Variants in IGSF9 observed in about 807,000 individuals in gnomAD.
The protein encoded by IGSF9 is protein turtle homolog A.
Under a neutral mutation model 121.7 loss-of-function variants are expected in IGSF9, and 87 were observed. The observed-to-expected ratio is 0.71, with a 90% CI of 0.60 to 0.85. IGSF9 has a LOEUF of 0.85. Among genes scored for constraint, IGSF9 ranks in the 40% least tolerant of loss-of-function variants. The pLI is 0.00. For synonymous variants in IGSF9, 640 were observed against 648.4 expected (o/e 0.99, Z 0.20); for missense variants, 1,462 against 1,565.3 (o/e 0.93, Z 1.11).
rs770383865 is a variant in IGSF9, at chr1:159,934,271, C to T, written c.1023G>A (p.Val341=). 24 of 1,613,388 alleles carry T rather than the reference C, an allele frequency of 1.5e-5. No homozygotes were observed. Among genetic ancestry groups the T allele is most frequent in the Non-Finnish European group, 1.8e-5 (21 of 1,179,734 alleles). ...ETPLPIGMPG[V]IRCPVRANPP... ...GGTTGGCACGAACCGGGCAGCGGAT[C>T]ACCCCCGGCATGCCTATGGGCAGGG... Residue 341 remains valine, a synonymous_variant, in exon 9 of 21, where the codon GTG becomes GTA. Coordinates refer to ENST00000368094, the MANE Select transcript of IGSF9 (RefSeq NM_001135050.2).
Position 159,928,238 on chromosome 1 carries a change from A to G in IGSF9, c.3150T>C (p.Pro1050=). 1 of 1,613,216 alleles carries G rather than the reference A, an allele frequency of 6.2e-7. No homozygotes were observed. The highest frequency in any genetic ancestry group is 8.5e-7 in the Non-Finnish European group (1 of 1,179,902). Residue 1050 remains proline, a synonymous_variant, in exon 19 of 21, where the codon CCT becomes CCC. Coordinates refer to ENST00000368094, the MANE Select transcript of IGSF9 (RefSeq NM_001135050.2). ...CCCAGCTGCTGGTGTCTCCTGGAGC[A>G]GGGCTGAGGTAGCTGCCTCCTGCAG... ...APSAGGSYLS[P]APGDTSSWAS...
rs528214199 is a variant in IGSF9, at chr1:159,930,333, G to A, written c.1920C>T (p.Leu640=). The change falls in exon 15 of 21, where the codon CTC becomes CTT. Residue 640 remains leucine, a synonymous_variant. Transcript: ENST00000368094. Reference sequence around the variant, plus strand: ...CCAGCTCTGGGGGATCCCAATGCAGGAGTACCCCCCGGGGTGTCCTCACTG... The same window carrying A: ...CCAGCTCTGGGGGATCCCAATGCAGAAGTACCCCCCGGGGTGTCCTCACTG... The part of the protein sequence containing the change: ...LVAVRTPRGV[L]LHWDPPELVP... 1.9e-6 allele frequency: 3 copies of A among 1,612,642 alleles called. No individual in the cohort carries two copies. Among genetic ancestry groups the A allele is most frequent in the African/African-American group, 1.3e-5 (1 of 74,952 alleles).
At position 159,932,662 on chromosome 1, in the gene IGSF9, A is replaced by G. The variant is rs1377646228; in HGVS notation, c.1105-10T>C. On this transcript the variant is annotated splice_polypyrimidine_tract_variant and intron_variant, in intron 9 of 20. Coordinates refer to ENST00000368094, the MANE Select transcript of IGSF9 (RefSeq NM_001135050.2). This position sits in a 1 kb window ranked among gnomAD's most constrained non-coding sequence, Gnocchi z 4.1. ...GGGACCAGCCAGGGAACTGGAAGGA[A>G]GAGAAGATGACAGCTAGAGAGAGGA... 1.2e-6 allele frequency: 2 copies of G among 1,607,672 alleles called. No individual in the cohort carries two copies. The highest frequency in any genetic ancestry group is 1.1e-5 in the South Asian group (1 of 90,408).
intron 2 of IGSF9, 39 bp downstream of exon 2, chr1:159,943,358 G>C: frequency 6.6e-7 from 1 of 1,517,906 alleles, no homozygotes. Flanking sequence ...CCCACCCCAA[G>C]GCTAACAGGG....
In IGSF9 at chr1:159,932,285, T is replaced by C. The variant is rs780556491; in HGVS notation, c.1245+227A>G. 5.1e-6 allele frequency: 3 copies of C among 592,894 alleles called. No individual in the cohort carries two copies. Among genetic ancestry groups the C allele is most frequent in the Non-Finnish European group, 9.0e-6 (3 of 333,904 alleles). The allele number at this position is 592,894 out of a possible 1,614,324, so 36.7% of individuals were successfully genotyped here. The stretch of plus-strand genomic sequence containing the variant: ...AGTGAGAGTTGGGGCAAACAGGATA[T>C]CTTACTTCTGGATGTGTGTGACTGA... On this transcript the variant is annotated intron_variant, in intron 10 of 20. Transcript: ENST00000368094. The surrounding 1 kb of genome is among the most constrained non-coding windows in gnomAD (Gnocchi z 4.1).
intron 6 of IGSF9, among the ~76,000 whole-genome samples, chr1:159,935,498 C>T (rs1317372223): frequency 1.3e-5 from 2 of 152,220 alleles, no homozygotes; most frequent in African/African-American, 4.8e-5. Context: ...GTCTGGAATG[C>T]CCCTCCCAAG....
At chr1:159,936,309 C>T in intron 6 of IGSF9, 90 bp downstream of exon 6, 5 of 1,154,344 alleles carry the variant, frequency 4.3e-6, no homozygotes, top group Admixed American at 3.4e-5. Flanking sequence ...CACAAATCTC[C>T]CTCCTATCTT....
At chr1:159,938,042 C>T (rs988952876) in intron 3 of IGSF9, among the ~76,000 whole-genome samples, 1 of 152,120 alleles carries the variant, frequency 6.6e-6, no homozygotes, top group Admixed American at 6.5e-5. Flanking sequence ...TCTTGCCATT[C>T]GACAGCTGGG....
chr1:159,928,285 G>C lies in IGSF9; in HGVS notation c.3103C>G (p.Arg1035Gly). 6.2e-7 allele frequency: 1 copy of C among 1,612,214 alleles called. No individual in the cohort carries two copies. The change falls in exon 19 of 21, where the codon CGG becomes GGG. Residue 1035 changes from arginine to glycine, a missense_variant. By Grantham distance (125) the Arg-to-Gly change is moderately radical. This residue lies in a region of IGSF9 where 808 missense variants were observed against 815.2 expected (regional missense o/e 0.99). Coordinates refer to ENST00000368094, the MANE Select transcript of IGSF9 (RefSeq NM_001135050.2). ...SSGRGSASFL[R>G]PPSTAPSAGG... ...GCAGAGGGGGCTGTGGAGGGGGGCC[G>C]CAGGAACGAAGCGCTGCCTCGCCCA...
In IGSF9 at chr1:159,927,375, G is replaced by T. The variant is rs766379915; in HGVS notation, c.3510C>A (p.Val1170=). The change falls in exon 21 of 21, where the codon GTC becomes GTA. Residue 1170 remains valine (V), a synonymous_variant. Coordinates refer to ENST00000368094, the MANE Select transcript of IGSF9 (RefSeq NM_001135050.2). ...GCAGAGTGGCCTGTTCGGGGTGGGG[G>T]ACTGGCTGTCGATAGGCTGGTAGCC... is the stretch of plus-strand genomic sequence containing the variant. ...RARLPAYRQP[V]PHPEQATLL The T allele has an allele frequency of 2.5e-6, 4 of 1,613,720 alleles. No homozygotes were observed. Among genetic ancestry groups the T allele is most frequent in the African/African-American group, 2.7e-5 (2 of 74,902 alleles).
At chr1:159,938,646 G>A (rs765260364) in intron 3 of IGSF9, among the ~76,000 whole-genome samples, 6 of 152,144 alleles carry the variant, frequency 3.9e-5, no homozygotes, top group African/African-American at 7.2e-5. Context: ...GTGTAGCCTC[G>A]TGATACAAGC....
In IGSF9 at chr1:159,927,401, G is replaced by C. The variant is rs758041388; in HGVS notation, c.3484C>G (p.Arg1162Gly). 2 of 1,613,896 alleles carry C rather than the reference G, an allele frequency of 1.2e-6. No homozygotes were observed. Among genetic ancestry groups the C allele is most frequent in the Non-Finnish European group, 1.7e-6 (2 of 1,180,030 alleles). ...ACTGGCTGTCGATAGGCTGGTAGCC[G>C]AGCCCTAGTAGCATCTCGGCGGCGG... is the stretch of plus-strand genomic sequence containing the variant. ...FRRRRDATRA[R>G]LPAYRQPVPH... The change falls in exon 21 of 21, where the codon CGG becomes GGG. Residue 1162 changes from arginine to glycine, a missense_variant. Coordinates refer to ENST00000368094, the MANE Select transcript of IGSF9 (RefSeq NM_001135050.2).
chr1:159,936,837 A>G lies in IGSF9; in HGVS notation c.472T>C (p.Cys158Arg). The change falls in exon 5 of 21, where the codon TGT becomes CGT. Residue 158 changes from cysteine (C) to arginine (R), a missense_variant. Cys to Arg is a radical substitution (Grantham distance 180). This residue lies in a region of IGSF9 where 558 missense variants were observed against 599.4 expected (regional missense o/e 0.93). Transcript: ENST00000368094. ...GGCAGGGGGCTGCCACGGGCCACAC[A>G]ACGCAGGGTCACAGGCTCCAGTTCC... is the stretch of plus-strand genomic sequence containing the variant. ...VQELEPVTLR[C>R]VARGSPLPHV... The G allele has an allele frequency of 6.2e-7, 1 of 1,614,184 alleles. No homozygotes were observed. Among genetic ancestry groups the G allele is most frequent in the Non-Finnish European group, 8.5e-7 (1 of 1,180,014 alleles).
chr1:159,940,977 C>T (rs764882692), intron 3 of IGSF9, among the ~76,000 whole-genome samples: 19 of 152,238 alleles, frequency 1.2e-4, no homozygotes, highest in Non-Finnish European at 1.9e-4. Flanking sequence ...TCACACCACA[C>T]AGGCACTGTG....
In IGSF9 at chr1:159,943,035, G is replaced by A. The variant is rs145804983; in HGVS notation, c.175C>T (p.Arg59Cys). Reference sequence around the variant, plus strand: ...AAGATGGGAAGCAGGAATCCAAAGCGCAGCCACTCGATGACATGCAGGGGG... The same window carrying A: ...AAGATGGGAAGCAGGAATCCAAAGCACAGCCACTCGATGACATGCAGGGGG... ...RPPLHVIEWL[R>C]FGFLLPIFIQ... The change falls in exon 3 of 21, where the codon CGC becomes TGC. Residue 59 changes from arginine (R) to cysteine (C), a missense_variant. Arg to Cys is a radical substitution (Grantham distance 180). This residue lies in a region of IGSF9 where 558 missense variants were observed against 599.4 expected (regional missense o/e 0.93). Coordinates refer to ENST00000368094, the MANE Select transcript of IGSF9 (RefSeq NM_001135050.2). The A allele has an allele frequency of 7.4e-6, 12 of 1,613,234 alleles. No individual in the cohort carries two copies. The highest frequency in any genetic ancestry group is 1.0e-5 in the Non-Finnish European group (12 of 1,179,604).
rs1294237976 is a variant in IGSF9, at chr1:159,928,358, T to C, written c.3030A>G (p.Pro1010=). The C allele has an allele frequency of 2.5e-6, 4 of 1,609,488 alleles. No individual in the cohort carries two copies. Among genetic ancestry groups the C allele is most frequent in the Non-Finnish European group, 3.4e-6 (4 of 1,178,114 alleles). The change falls in exon 19 of 21, where the codon CCA becomes CCG. Residue 1010 remains proline, a synonymous_variant. Coordinates refer to ENST00000368094, the MANE Select transcript of IGSF9 (RefSeq NM_001135050.2). ...ADWTLRERLL[P]GLLPAAPRGS... ...CTCGAGGGGCAGCAGGGAGAAGGCC[T>C]GGCAGCAGCCGCTCCCTCAGTGTCC...
At chr1:159,929,591 G>C in intron 17 of IGSF9, 47 bp downstream of exon 17, 1 of 1,562,070 alleles carries the variant, frequency 6.4e-7, no homozygotes, top group Non-Finnish European at 8.7e-7. Context: ...GCTTAAGGAG[G>C]CTAGGCCCAA....
chr1:159,927,598 C>T (rs1934074), intron 20 of IGSF9, 72 bp from the exon 21 acceptor site: 591,028 of 1,560,662 alleles, frequency 0.38, 113,396 homozygotes, highest in East Asian at 0.47. Flanking sequence ...ATGTGAAGCT[C>T]GCTAGGCCCT....
At chr1:159,937,164 C>G (rs886557204) in intron 4 of IGSF9, among the ~76,000 whole-genome samples, 3 of 152,188 alleles carry the variant, frequency 2.0e-5, no homozygotes, top group Admixed American at 6.5e-5. Context: ...CAAGCCCCCT[C>G]AGGAGGAGCA....
Sources: allele counts gnomAD v4.1 joint callset (sites outside exome capture counted in the v4.1 genomes callset), GRCh38; gene constraint gnomAD v4.1.1; regional missense constraint gnomAD v4.1.1; non-coding constraint Gnocchi (gnomAD v3.1); transcripts MANE v1.5; gene names NCBI Gene and HGNC (gene_info 2026-07-23, HGNC 2026-07-21).